RNF4: variants seen among roughly 807,000 people sequenced by gnomAD.
The protein encoded by RNF4 is ring finger protein 4.
RNF4 carries 7 observed loss-of-function variants against 24.3 expected under a neutral mutation model. That is an observed-to-expected ratio of 0.29 (90% CI 0.16 to 0.54). The LOEUF (loss-of-function observed/expected upper bound fraction) is 0.54. Among genes scored for constraint, RNF4 ranks in the 20% least tolerant of loss-of-function variants. The probability of loss-of-function intolerance (pLI) is 0.95; values close to 1 mark genes in which losing one functional copy is unlikely to be tolerated. For missense variants in RNF4, 209 were observed against 248.5 expected (o/e 0.84, Z 1.07); for synonymous variants, 83 against 84.3 (o/e 0.98, Z 0.09).
In RNF4 at chr4:2,500,704, T is replaced by C. The variant is rs1451306773; in HGVS notation, c.170T>C (p.Val57Ala). The change falls in exon 4 of 8, where the codon GTG becomes GCG. Residue 57 changes from valine (V) to alanine (A), a missense_variant. This residue lies in a region of RNF4 where 182 missense variants were observed against 197.2 expected (regional missense o/e 0.92). Coordinates refer to ENST00000314289, the MANE Select transcript of RNF4 (RefSeq NM_002938.5). ...VDLTCESLEP[V>A]VVDLTHNDSV... is the part of the protein sequence containing the mutation. Reference sequence around the variant, plus strand: ...CTCACTTGTGAATCTTTAGAGCCTGTGGTGGTTGATCTGACTCACAATGAC... The same window carrying C: ...CTCACTTGTGAATCTTTAGAGCCTGCGGTGGTTGATCTGACTCACAATGAC... 1 of 1,613,906 alleles carries C rather than the reference T, an allele frequency of 6.2e-7. No homozygotes were observed. Among genetic ancestry groups the C allele is most frequent in the South Asian group, 1.1e-5 (1 of 91,062 alleles).
intron 1 of RNF4, among the ~76,000 whole-genome samples, chr4:2,486,506 T>TA: frequency 6.6e-6 from 1 of 152,240 alleles, no homozygotes; most frequent in East Asian, 1.9e-4. Context: ...TCCTGACCCT[T>TA]ACTAAACCCA....
chr4:2,513,917 T>A lies in RNF4; in HGVS notation c.*98T>A. The A allele has an allele frequency of 6.7e-7, 1 of 1,498,466 alleles. No homozygotes were observed. The highest frequency in any genetic ancestry group is 1.2e-5 in the South Asian group (1 of 86,574). 92.8% of individuals were successfully genotyped at this position (1,498,466 alleles called of 1,614,324 possible). Reference sequence around the variant, plus strand: ...TTTTCCTGAGATCAAAAAGACTGTTTCGAAACCAACATCTGATATGTAAAC... The same window carrying A: ...TTTTCCTGAGATCAAAAAGACTGTTACGAAACCAACATCTGATATGTAAAC... On this transcript the variant is annotated 3_prime_UTR_variant, in exon 8 of 8. Transcript: ENST00000314289.
chr4:2,469,842 C>T (rs956750077), intron 1 of RNF4: 1 of 152,766 alleles, frequency 6.5e-6, no homozygotes, highest in Non-Finnish European at 1.5e-5. Context: ...CGGGCCCCGG[C>T]TGGTGGTTGG....
At chr4:2,470,960 CACTTTTTTTTT>C (rs1734886519) in intron 1 of RNF4, 1 of 126,984 alleles carries the variant, frequency 7.9e-6, no homozygotes, top group African/African-American at 2.9e-5. Context: ...CAATATTTCA[CACTTTTTTTTT>C]TTTTTTTTTT....
intron 1 of RNF4, among the ~76,000 whole-genome samples, chr4:2,483,156 G>A (rs565068082): frequency 1.3e-5 from 2 of 152,254 alleles, no homozygotes; most frequent in East Asian, 3.9e-4. Flanking sequence ...TTTTGTTGCT[G>A]TTTCCCATCC....
intron 1 of RNF4, chr4:2,479,724 A>G (rs1735191815): frequency 6.6e-6 from 1 of 152,160 alleles, no homozygotes. Flanking sequence ...GCAGCGTGAA[A>G]ACGGACTAAT....
intron 2 of RNF4, among the ~76,000 whole-genome samples, chr4:2,491,014 A>G (rs1324852424): frequency 2.6e-5 from 4 of 152,272 alleles, no homozygotes; most frequent in South Asian, 2.1e-4. Flanking sequence ...CTTGAGCCCA[A>G]GAGTTCAAGG....
chr4:2,500,071 T>G (rs996102186), intron 3 of RNF4, among the ~76,000 whole-genome samples: 1 of 150,096 alleles, frequency 6.7e-6, no homozygotes, highest in Non-Finnish European at 1.5e-5. Context: ...GACAGAGAAT[T>G]GCTTGAACCC....
intron 1 of RNF4, among the ~76,000 whole-genome samples, chr4:2,485,975 G>A (rs1735394690): frequency 1.3e-5 from 2 of 152,116 alleles, no homozygotes; most frequent in Admixed American, 6.5e-5. Flanking sequence ...CAGTGTTCCC[G>A]CTAGTTTCTG....
chr4:2,484,333 AGGAATACAGT>A (rs1455509577), intron 1 of RNF4, among the ~76,000 whole-genome samples: 1 of 151,856 alleles, frequency 6.6e-6, no homozygotes, highest in Non-Finnish European at 1.5e-5. Flanking sequence ...CTTTGCTCAT[AGGAATACAGT>A]GGTATGAGAT....
intron 2 of RNF4, among the ~76,000 whole-genome samples, chr4:2,492,253 C>T (rs1388459106): frequency 1.3e-5 from 2 of 152,050 alleles, no homozygotes; most frequent in South Asian, 2.1e-4. Flanking sequence ...CTTTATTACC[C>T]AGGCTGATCT....
chr4:2,511,047 G>C (rs903742321), intron 4 of RNF4, among the ~76,000 whole-genome samples: 1 of 152,200 alleles, frequency 6.6e-6, no homozygotes, highest in African/African-American at 2.4e-5. Flanking sequence ...CCACATGAAG[G>C]CTCCACCTTG....
chr4:2,495,208 C>G (rs983698328), intron 2 of RNF4, among the ~76,000 whole-genome samples: 6 of 152,228 alleles, frequency 3.9e-5, no homozygotes, highest in African/African-American at 1.4e-4. Context: ...TTACTAGACC[C>G]AGCTTCATTT....
intron 2 of RNF4, among the ~76,000 whole-genome samples, chr4:2,491,770 G>GT (rs1735585512): frequency 6.6e-6 from 1 of 151,842 alleles, no homozygotes; most frequent in African/African-American, 2.4e-5. Context: ...GTCTCACTCA[G>GT]TCTCCCAGTC....
chr4:2,479,080 G>A (rs1256238189), intron 1 of RNF4, among the ~76,000 whole-genome samples: 1 of 152,190 alleles, frequency 6.6e-6, no homozygotes, highest in African/African-American at 2.4e-5. Flanking sequence ...AGATCATTTT[G>A]GAGCTTTGAG....
chr4:2,474,733 T>C (rs1040949233), intron 1 of RNF4, among the ~76,000 whole-genome samples: 3 of 151,962 alleles, frequency 2.0e-5, no homozygotes, highest in Non-Finnish European at 4.4e-5. Flanking sequence ...TTTAAGAAAT[T>C]GTCACAGTTG....
At chr4:2,504,351 G>T (rs1244662526) in intron 4 of RNF4, among the ~76,000 whole-genome samples, 2 of 152,104 alleles carry the variant, frequency 1.3e-5, no homozygotes, top group Non-Finnish European at 2.9e-5. Flanking sequence ...CAGTGTTTGA[G>T]GTTCTCCACA....
At chr4:2,482,986 G>A (rs533088853) in intron 1 of RNF4, among the ~76,000 whole-genome samples, 83 of 152,308 alleles carry the variant, frequency 5.4e-4, no homozygotes, top group Non-Finnish European at 9.0e-4. Context: ...GGAAACATTG[G>A]TTCCAGTTCC....
chr4:2,498,061 A>T (rs183916598), intron 3 of RNF4, among the ~76,000 whole-genome samples: 1 of 152,270 alleles, frequency 6.6e-6, no homozygotes, highest in Admixed American at 6.5e-5. Flanking sequence ...GAAAGCCTTG[A>T]CTTGAGGCTA....
Sources: allele counts gnomAD v4.1 joint callset (sites outside exome capture counted in the v4.1 genomes callset), GRCh38; gene constraint gnomAD v4.1.1; regional missense constraint gnomAD v4.1.1; transcripts MANE v1.5; gene names NCBI Gene and HGNC (gene_info 2026-07-23, HGNC 2026-07-21).